The following CSMD1 variants were observed in gnomAD, a reference collection of about 807,000 sequenced individuals.
CSMD1 encodes the protein CUB and Sushi multiple domains 1.
Under a neutral mutation model 417.5 loss-of-function variants are expected in CSMD1, and 213 were observed. The observed-to-expected ratio is 0.51, with a 90% CI of 0.46 to 0.57. CSMD1 has a LOEUF of 0.57. Ranked by LOEUF, CSMD1 falls within the 20% of genes least tolerant of loss-of-function variation. The pLI, the probability that CSMD1 is intolerant of heterozygous loss-of-function variation, is 0.00. For missense variants in CSMD1, 6,923 were observed against 4,529.7 expected (o/e 1.53, Z -15.17); for synonymous variants, 2,862 against 1,736.8 (o/e 1.65, Z -16.11).
In CSMD1 at chr8:3,686,325, A is replaced by G. The variant is rs548114531; in HGVS notation, c.1009+22089T>C. Among the ~76,000 whole-genome samples, 5 of 152,240 alleles carry G rather than the reference A, an allele frequency of 3.3e-5. No individual in the cohort carries two copies. The East Asian group carries it at 9.7e-4, about 29-fold the overall frequency. On this transcript the variant is annotated intron_variant, in intron 7 of 69. Transcript: ENST00000635120. ...ACAGCTAACACTGTGACTTTCAGGA[A>G]GCGCCTTCACTTCTCTACGCTTGTC...
intron 9 of CSMD1, among the ~76,000 whole-genome samples, chr8:3,577,573 G>T (rs956355623): frequency 1.3e-5 from 2 of 152,050 alleles, no homozygotes; most frequent in African/African-American, 4.8e-5. Context: ...GTTTAACTTT[G>T]CCAATTAGAA....
chr8:3,707,912 C>A (rs1801264768), intron 7 of CSMD1, among the ~76,000 whole-genome samples: 1 of 152,112 alleles, frequency 6.6e-6, no homozygotes. Flanking sequence ...AGGTCCTGGG[C>A]ACGTGCAAAA....
At chr8:4,165,355 T>C (rs1295595519) in intron 3 of CSMD1, among the ~76,000 whole-genome samples, 1 of 152,258 alleles carries the variant, frequency 6.6e-6, no homozygotes, top group African/African-American at 2.4e-5. Flanking sequence ...CACAAATTCC[T>C]TAGGACTCTA....
At chr8:4,873,710 C>G (rs75064575) in intron 1 of CSMD1, among the ~76,000 whole-genome samples, 1 of 152,016 alleles carries the variant, frequency 6.6e-6, no homozygotes, top group African/African-American at 2.4e-5. Flanking sequence ...TCAAACTAAA[C>G]CAATATTTGG....
intron 3 of CSMD1, among the ~76,000 whole-genome samples, chr8:4,096,038 G>C (rs946587491): frequency 6.9e-6 from 1 of 144,034 alleles, no homozygotes; most frequent in Non-Finnish European, 1.5e-5. Flanking sequence ...GGTATAATGT[G>C]TGGTGTGTTT....
chr8:4,331,299 C>T (rs1248509493), intron 3 of CSMD1, among the ~76,000 whole-genome samples: 1 of 152,096 alleles, frequency 6.6e-6, no homozygotes, highest in African/African-American at 2.4e-5. Context: ...GCAGAAGCAT[C>T]ATGCTGCACG....
chr8:4,379,830 T>C (rs1178300771), intron 3 of CSMD1, among the ~76,000 whole-genome samples: 1 of 152,198 alleles, frequency 6.6e-6, no homozygotes, highest in African/African-American at 2.4e-5. Context: ...TACTGTTTGC[T>C]GAAAAAGTGA....
At chr8:4,036,824 G>A (rs542129790) in intron 3 of CSMD1, among the ~76,000 whole-genome samples, 7 of 152,190 alleles carry the variant, frequency 4.6e-5, no homozygotes, top group Non-Finnish European at 2.9e-5. Flanking sequence ...ATAGATTCCT[G>A]ACCAGGGCCA....
chr8:4,396,976 A>G (rs76406114), intron 3 of CSMD1, among the ~76,000 whole-genome samples: 2,184 of 152,188 alleles, frequency 0.014, 50 homozygotes, highest in African/African-American at 0.05. Flanking sequence ...GAAATCACTA[A>G]AGGACCTATT....
At chr8:3,902,736 C>A (rs1455279452) in intron 5 of CSMD1, among the ~76,000 whole-genome samples, 1 of 152,058 alleles carries the variant, frequency 6.6e-6, no homozygotes, top group Non-Finnish European at 1.5e-5. Flanking sequence ...GATTAGAGAC[C>A]CCTGCTGAGG....
chr8:4,667,291 G>C (rs1457906225), intron 1 of CSMD1, among the ~76,000 whole-genome samples: 3 of 152,092 alleles, frequency 2.0e-5, no homozygotes, highest in Admixed American at 6.5e-5. Flanking sequence ...GTGTGTTAGT[G>C]ATCCAATTTA....
chr8:4,381,653 C>G (rs897958519), intron 3 of CSMD1, among the ~76,000 whole-genome samples: 2 of 152,180 alleles, frequency 1.3e-5, no homozygotes, highest in Admixed American at 6.5e-5. Context: ...AACCATCCCC[C>G]AACCCTCATT....
chr8:3,283,307 T>C (rs1584926691), intron 26 of CSMD1, among the ~76,000 whole-genome samples: 1 of 152,136 alleles, frequency 6.6e-6, no homozygotes, highest in African/African-American at 2.4e-5. Context: ...GACTGGGGCA[T>C]GTAGGGAACC....
intron 30 of CSMD1, among the ~76,000 whole-genome samples, chr8:3,211,210 A>G (rs76085438): frequency 0.053 from 7,996 of 152,064 alleles, 243 homozygotes; most frequent in South Asian, 0.088. Context: ...CCACACAGCT[A>G]ATTTTAATTT....
At chr8:3,334,934 A>T (rs761456611) in intron 23 of CSMD1, among the ~76,000 whole-genome samples, 8 of 152,260 alleles carry the variant, frequency 5.3e-5, no homozygotes, top group Non-Finnish European at 1.2e-4. Context: ...TAAGAGCGTC[A>T]GCTCCTAGTC....
rs1423096878 is a variant in CSMD1, at chr8:2,936,661, G to T, written c.*1924C>A. The T allele has an allele frequency of 6.6e-6, 1 of 152,180 alleles. No individual in the cohort carries two copies. The highest frequency in any genetic ancestry group is 6.5e-5 in the Admixed American group (1 of 15,274). The allele number at this position is 152,180 out of a possible 1,614,324, so 9.4% of individuals were successfully genotyped here. ...AACAGCGTGGGGTTCACAAGACAAA[G>T]GAGTCCCTAGGAGAGGCCAGTGAGT... On this transcript the variant is annotated 3_prime_UTR_variant, in exon 70 of 70. Coordinates refer to ENST00000635120, the MANE Select transcript of CSMD1 (RefSeq NM_033225.6).
intron 3 of CSMD1, among the ~76,000 whole-genome samples, chr8:4,094,377 G>C (rs994123408): frequency 3.9e-5 from 6 of 152,052 alleles, no homozygotes; most frequent in Admixed American, 1.3e-4. Context: ...GAAAGAGTGG[G>C]TCATATTTAG....
chr8:4,326,510 A>T (rs1799571287), intron 3 of CSMD1, among the ~76,000 whole-genome samples: 1 of 152,078 alleles, frequency 6.6e-6, no homozygotes, highest in African/African-American at 2.4e-5. Flanking sequence ...AAGGTCCATA[A>T]ACGAGAGGTA....
intron 25 of CSMD1, among the ~76,000 whole-genome samples, chr8:3,306,439 G>T (rs189901308): frequency 3.3e-5 from 5 of 152,166 alleles, no homozygotes; most frequent in Admixed American, 3.3e-4. Flanking sequence ...CTCCCAAAGT[G>T]TTAGGCATGA....
Sources: allele counts gnomAD v4.1 joint callset (sites outside exome capture counted in the v4.1 genomes callset), GRCh38; gene constraint gnomAD v4.1.1; transcripts MANE v1.5; gene names NCBI Gene and HGNC (gene_info 2026-07-23, HGNC 2026-07-21).